The following TDRD1 variants were observed in gnomAD, a reference collection of about 807,000 sequenced individuals.
TDRD1 encodes tudor domain containing 1.
Under a neutral mutation model 140.6 loss-of-function variants are expected in TDRD1, and 37 were observed. The observed-to-expected ratio is 0.26, with a 90% CI of 0.20 to 0.35. TDRD1 has a LOEUF of 0.35. Ranked by LOEUF, TDRD1 falls within the 10% of genes least tolerant of loss-of-function variation. TDRD1 has a pLI of 1.00. For synonymous variants in TDRD1, 506 were observed against 475.7 expected, an observed-to-expected ratio of 1.06 and a Z score of -0.83; for missense variants, 1,243 against 1,393.0, an observed-to-expected ratio of 0.89 and a Z score of 1.71.
intron 1 of TDRD1, among the ~76,000 whole-genome samples, chr10:114,180,317 C>G (rs1268508385): frequency 6.6e-6 from 1 of 152,122 alleles, no homozygotes; most frequent in African/African-American, 2.4e-5. Flanking sequence ...TAACTACTGC[C>G]CTCTGCATTT....
chr10:114,182,460 G>A (rs553523772), intron 1 of TDRD1, among the ~76,000 whole-genome samples: 6 of 152,258 alleles, frequency 3.9e-5, no homozygotes, highest in South Asian at 4.1e-4. Flanking sequence ...TGAGTCTAAC[G>A]CGGATGTTGT....
exon 16 of TDRD1, chr10:114,214,008 A>G (rs757519224): frequency 1.5e-5 from 25 of 1,613,776 alleles, no homozygotes; most frequent in Non-Finnish European, 2.0e-5. Flanking sequence ...AAGTAAATCC[A>G]TTGGAGTGGA....
At chr10:114,215,035 C>A (rs1028248163) in intron 16 of TDRD1, among the ~76,000 whole-genome samples, 7 of 152,162 alleles carry the variant, frequency 4.6e-5, no homozygotes, top group Non-Finnish European at 1.0e-4. Context: ...AGCCACTGTG[C>A]CCAAGCTGCC....
intron 11 of TDRD1, among the ~76,000 whole-genome samples, chr10:114,206,904 C>T (rs967847826): frequency 6.6e-6 from 1 of 152,220 alleles, no homozygotes; most frequent in Non-Finnish European, 1.5e-5. Flanking sequence ...GCGTGAGCCA[C>T]TACGCCCTGC....
exon 16 of TDRD1, chr10:114,214,013 A>C (rs2035651616): frequency 3.7e-6 from 6 of 1,613,848 alleles, no homozygotes; most frequent in Non-Finnish European, 5.1e-6. Context: ...AATCCATTGG[A>C]GTGGACATGG....
chr10:114,202,537 A>C (rs960161919), intron 6 of TDRD1, among the ~76,000 whole-genome samples: 5 of 152,168 alleles, frequency 3.3e-5, no homozygotes, highest in African/African-American at 4.8e-5. Flanking sequence ...ATGCCTCTGA[A>C]GGCACAGGTT....
chr10:114,228,964 A>G (rs113298043), intron 25 of TDRD1: 5 of 178,742 alleles, frequency 2.8e-5, no homozygotes, highest in Admixed American at 6.5e-5. Flanking sequence ...ACACCTGTTA[A>G]CCCAGCTACT....
At position 114,228,320 on chromosome 10, in the gene TDRD1, G is replaced by A. The variant is rs75460373; in HGVS notation, c.3538+195G>A. On this transcript the variant is annotated intron_variant, in intron 25 of 25. Transcript: ENST00000251864. ...TATCTGATCGTTTTCCTTTGCTACT[G>A]CTAATGGAACTGAACCCCCAGGGGT... The A allele has an allele frequency of 2.2e-3, 2,924 of 1,355,888 alleles. 51 individuals carry two copies. In the African/African-American group the frequency reaches 0.04, roughly 18 times the overall value. The allele number at this position is 1,355,888 out of a possible 1,614,324, so 84.0% of individuals were successfully genotyped here. A position where few individuals can be genotyped will look rare whatever the true frequency, so the allele number is the denominator to read the frequency against.
At chr10:114,216,885 G>A (rs2035844548) in intron 16 of TDRD1, among the ~76,000 whole-genome samples, 1 of 152,158 alleles carries the variant, frequency 6.6e-6, no homozygotes, top group African/African-American at 2.4e-5. Flanking sequence ...AAAGGCATTT[G>A]CTTTTCTTTT....
chr10:114,180,692 T>A (rs2032980969), intron 1 of TDRD1, among the ~76,000 whole-genome samples: 1 of 152,158 alleles, frequency 6.6e-6, no homozygotes, highest in African/African-American at 2.4e-5. Flanking sequence ...CTCCAACTCC[T>A]CACCTCAGGT....
chr10:114,210,136 G>A (rs2035388760), intron 11 of TDRD1, among the ~76,000 whole-genome samples: 1 of 152,212 alleles, frequency 6.6e-6, no homozygotes, highest in Non-Finnish European at 1.5e-5. Context: ...ACTGTTGAAT[G>A]CATTTTAAAT....
At chr10:114,200,678 C>A (rs973987952) in intron 4 of TDRD1, among the ~76,000 whole-genome samples, 9 of 151,972 alleles carry the variant, frequency 5.9e-5, no homozygotes, top group African/African-American at 2.2e-4. Context: ...TGCGCACCAC[C>A]ACACTGGGCT....
At chr10:114,188,596 C>T (rs2033721356) in intron 2 of TDRD1, among the ~76,000 whole-genome samples, 1 of 152,162 alleles carries the variant, frequency 6.6e-6, no homozygotes, top group African/African-American at 2.4e-5. Context: ...AGGTGGCTCA[C>T]GCCTGTAATC....
At chr10:114,201,307 C>A in intron 4 of TDRD1, 103 bp from the exon 5 acceptor site, 1 of 887,340 alleles carries the variant, frequency 1.1e-6, no homozygotes, top group South Asian at 1.5e-5. Context: ...TCCTAAATAG[C>A]ACAATTCTCT....
intron 9 of TDRD1, 103 bp downstream of exon 9, chr10:114,204,319 T>A: frequency 8.1e-7 from 1 of 1,237,912 alleles, no homozygotes; most frequent in Non-Finnish European, 1.1e-6. Flanking sequence ...GCTGTGTTAC[T>A]GTACCTGTAC....
intron 25 of TDRD1, chr10:114,228,575 C>A: frequency 1.0e-6 from 1 of 985,052 alleles, no homozygotes; most frequent in Non-Finnish European, 1.2e-6. Context: ...ATCTAAAGGG[C>A]CAAGAACGGA....
intron 1 of TDRD1, among the ~76,000 whole-genome samples, chr10:114,182,973 C>T (rs925525327): frequency 2.0e-5 from 3 of 152,084 alleles, no homozygotes; most frequent in Admixed American, 6.6e-5. Context: ...TGTGAGCCAC[C>T]GCTCCCGGCC....
chr10:114,203,217 G>T, intron 7 of TDRD1, 41 bp downstream of exon 7: 2 of 1,538,850 alleles, frequency 1.3e-6, no homozygotes, highest in South Asian at 1.1e-5. Flanking sequence ...CAGATCCAGA[G>T]AACTGTATTT....
At chr10:114,220,874 A>C (rs1427347178) in intron 19 of TDRD1, 31 bp downstream of exon 19, 5 of 1,529,490 alleles carry the variant, frequency 3.3e-6, no homozygotes, top group Non-Finnish European at 4.5e-6. Context: ...ATTTGTTTAA[A>C]TTTGTTATTC....
Sources: allele counts gnomAD v4.1 joint callset (sites outside exome capture counted in the v4.1 genomes callset), GRCh38; gene constraint gnomAD v4.1.1; transcripts MANE v1.5; gene names NCBI Gene and HGNC (gene_info 2026-07-23, HGNC 2026-07-21).